EPM2A: variants seen among roughly 807,000 people sequenced by gnomAD.
EPM2A encodes the protein EPM2A glucan phosphatase, laforin, also known as laforin.
EPM2A carries 21 observed loss-of-function variants against 26.5 expected under a neutral mutation model. The observed-to-expected ratio is 0.79, with a 90% CI of 0.56 to 1.14. EPM2A has a LOEUF of 1.14. EPM2A is among the 50% of genes most tolerant of loss of function. EPM2A has a pLI of 0.00. For missense variants in EPM2A, 458 were observed against 440.8 expected (o/e 1.04, Z -0.35); for synonymous variants, 217 against 177.6 (o/e 1.22, Z -1.76).
chr6:145,412,082 T>C (rs1778651228), intron 4 of EPM2A, among the ~76,000 whole-genome samples: 1 of 151,964 alleles, frequency 6.6e-6, no homozygotes, highest in African/African-American at 2.4e-5. Context: ...CCGGGTGCGG[T>C]GGCAGACACC....
At chr6:145,544,314 A>T (rs1780553648) in intron 2 of EPM2A, among the ~76,000 whole-genome samples, 1 of 152,112 alleles carries the variant, frequency 6.6e-6, no homozygotes, top group South Asian at 2.1e-4. Flanking sequence ...GGGTTTGTGA[A>T]TTTTTTGCAG....
chr6:145,719,925 C>A (rs947091993), intron 1 of EPM2A, among the ~76,000 whole-genome samples: 1 of 141,476 alleles, frequency 7.1e-6, no homozygotes. Flanking sequence ...ACCAAAATAA[C>A]GATTTAAACA....
chr6:145,639,581 T>C (rs1465624618), intron 2 of EPM2A: 3 of 152,196 alleles, frequency 2.0e-5, no homozygotes, highest in Non-Finnish European at 4.4e-5. Flanking sequence ...TAGAGCCCAA[T>C]ATCTTTTTTA....
At chr6:145,580,897 A>G (rs1034709225) in intron 2 of EPM2A, among the ~76,000 whole-genome samples, 1 of 151,992 alleles carries the variant, frequency 6.6e-6, no homozygotes, top group Non-Finnish European at 1.5e-5. Flanking sequence ...TCTGTACCAT[A>G]TTTTCTTTAT....
At chr6:145,442,170 T>C (rs949347587) in intron 4 of EPM2A, among the ~76,000 whole-genome samples, 3 of 152,216 alleles carry the variant, frequency 2.0e-5, no homozygotes, top group Admixed American at 1.3e-4. Flanking sequence ...AACAAGTCTC[T>C]AGGAAGTTCC....
At chr6:145,524,639 G>C (rs1780246851) in intron 2 of EPM2A, among the ~76,000 whole-genome samples, 3 of 151,696 alleles carry the variant, frequency 2.0e-5, no homozygotes, top group African/African-American at 4.8e-5. Flanking sequence ...TTTTTTGCTT[G>C]TTAAGTTCCT....
chr6:145,574,184 A>G (rs1345148950), intron 2 of EPM2A, among the ~76,000 whole-genome samples: 5 of 152,086 alleles, frequency 3.3e-5, no homozygotes, highest in Admixed American at 3.3e-4. Context: ...CTGATTTTAT[A>G]ATTCAAATTA....
chr6:145,499,290 T>C (rs1270769910), downstream of EPM2A, among the ~76,000 whole-genome samples: 4 of 152,230 alleles, frequency 2.6e-5, no homozygotes, highest in African/African-American at 4.8e-5. Context: ...ATTAAGTTGA[T>C]ATTTTTTAGA....
rs185421003 is a variant in EPM2A, at chr6:145,687,284, G to A, written c.302-988C>T. On this transcript the variant is annotated intron_variant, in intron 1 of 3. Coordinates refer to ENST00000367519, the MANE Select transcript of EPM2A (RefSeq NM_005670.4). Reference sequence around the variant, plus strand: ...CCATGTGAGAACACAGCAAGTCGTCGCCATCTATGAACCAGTAAGTGAGCC... The same window carrying A: ...CCATGTGAGAACACAGCAAGTCGTCACCATCTATGAACCAGTAAGTGAGCC... Among the ~76,000 whole-genome samples the A allele has an allele frequency of 7.9e-5, 12 of 150,990 alleles. No homozygotes were observed. In the East Asian group the frequency reaches 1.6e-3, roughly 20 times the overall value.
chr6:145,544,754 C>G (rs913507963), intron 2 of EPM2A, among the ~76,000 whole-genome samples: 1 of 152,178 alleles, frequency 6.6e-6, no homozygotes, highest in Non-Finnish European at 1.5e-5. Context: ...CCACCGGCAA[C>G]AGGTCTTCTG....
chr6:145,617,396 G>A (rs1183414808), intron 2 of EPM2A, among the ~76,000 whole-genome samples: 1 of 152,084 alleles, frequency 6.6e-6, no homozygotes, highest in Admixed American at 6.6e-5. Context: ...TCAGCAGCAT[G>A]AACACAGACT....
At chr6:145,617,062 A>C (rs1775529896) in intron 2 of EPM2A, among the ~76,000 whole-genome samples, 1 of 152,186 alleles carries the variant, frequency 6.6e-6, no homozygotes, top group Admixed American at 6.5e-5. Context: ...TCAGGGGTGG[A>C]ATGATATGGA....
At chr6:145,711,552 C>A (rs62433835) in intron 1 of EPM2A, among the ~76,000 whole-genome samples, 2 of 151,856 alleles carry the variant, frequency 1.3e-5, no homozygotes, top group Admixed American at 6.6e-5. Flanking sequence ...ATACAACATC[C>A]TAGGATTAGA....
chr6:145,425,161 T>TTCCTTC (rs1554235729), intron 4 of EPM2A, among the ~76,000 whole-genome samples: 4 of 43,262 alleles, frequency 9.2e-5, no homozygotes, highest in Non-Finnish European at 2.8e-4. Context: ...TTCCTTCCTT[T>TTCCTTC]CCTTCCGTCT....
chr6:145,555,171 A>G (rs1265561695), intron 2 of EPM2A, among the ~76,000 whole-genome samples: 1 of 152,080 alleles, frequency 6.6e-6, no homozygotes, highest in South Asian at 2.1e-4. Flanking sequence ...GGATCGTTCT[A>G]TTAGTGTTTG....
intron 4 of EPM2A, among the ~76,000 whole-genome samples, chr6:145,435,204 G>A (rs973360934): frequency 6.6e-6 from 1 of 152,138 alleles, no homozygotes; most frequent in Non-Finnish European, 1.5e-5. Flanking sequence ...TGGAAGAAGT[G>A]AGGGAAGCAA....
At chr6:145,492,305 T>A (rs2114742676) in intron 4 of EPM2A, among the ~76,000 whole-genome samples, 1 of 151,892 alleles carries the variant, frequency 6.6e-6, no homozygotes, top group Non-Finnish European at 1.5e-5. Flanking sequence ...CTGGGGTGAG[T>A]GCTTTTGGGT....
chr6:145,427,407 G>A (rs1298751707), intron 4 of EPM2A, among the ~76,000 whole-genome samples: 3 of 152,006 alleles, frequency 2.0e-5, no homozygotes, highest in African/African-American at 7.3e-5. Context: ...GGGTGAGAGT[G>A]GCATGTCTGA....
chr6:145,490,885 A>AT, intron 4 of EPM2A: 1 of 700,614 alleles, frequency 1.4e-6, no homozygotes, highest in South Asian at 1.3e-5. Flanking sequence ...TGCTGGTAAT[A>AT]TCTGCCAACA....
Sources: gnomAD v4.1 joint callset for allele counts (sites outside exome capture counted in the v4.1 genomes callset) on GRCh38, gnomAD v4.1.1 for gene constraint, MANE v1.5 for transcripts, NCBI Gene and HGNC (gene_info 2026-07-23, HGNC 2026-07-21) for gene names.